OGFR: variants seen among roughly 807,000 people sequenced by gnomAD.
OGFR encodes opioid growth factor receptor, also known as protein 7-60.
Under a neutral mutation model 33.6 loss-of-function variants are expected in OGFR, and 18 were observed. That is an observed-to-expected ratio of 0.54 (90% CI 0.37 to 0.80). OGFR has a LOEUF of 0.80. OGFR is among the 30% of genes least tolerant of loss of function. The probability of loss-of-function intolerance (pLI) is 0.00; values close to 1 mark genes in which losing one functional copy is unlikely to be tolerated. For missense variants in OGFR, 877 were observed against 955.8 expected (o/e 0.92, Z 1.09); for synonymous variants, 370 against 400.7 (o/e 0.92, Z 0.91).
In OGFR at chr20:62,812,752, C is replaced by T. The variant is rs765581280; in HGVS notation, c.1137C>T (p.Pro379=). ...HGEDRPEPLS[P]KESKKRKLEL... The stretch of plus-strand genomic sequence containing the variant: ...AAGATAGGCCGGAGCCCTTAAGCCC[C>T]AAAGAGAGCAAGAAGAGGAAGCTGG... Residue 379 remains proline (P), a synonymous_variant, in exon 7 of 7, where the codon CCC becomes CCT. Coordinates refer to ENST00000290291, the MANE Select transcript of OGFR (RefSeq NM_007346.4). 1.1e-5 allele frequency: 18 copies of T among 1,610,276 alleles called. No individual in the cohort carries two copies. The South Asian group carries it at 1.8e-4, about 16-fold the overall frequency.
chr20:62,813,769 G>C lies in OGFR; in HGVS notation c.*120G>C. On this transcript the variant is annotated 3_prime_UTR_variant, in exon 7 of 7. Coordinates refer to ENST00000290291, the MANE Select transcript of OGFR (RefSeq NM_007346.4). Reference sequence around the variant, plus strand: ...CGTGACCCGTGACCCATGACCCACAGTGCTGGCCTCCTGTGGGGCCACTAT... The same window carrying C: ...CGTGACCCGTGACCCATGACCCACACTGCTGGCCTCCTGTGGGGCCACTAT... 8.2e-7 allele frequency: 1 copy of C among 1,224,946 alleles called. No individual in the cohort carries two copies. Among genetic ancestry groups the C allele is most frequent in the Non-Finnish European group, 1.2e-6 (1 of 854,914 alleles). 75.9% of individuals were successfully genotyped at this position (1,224,946 alleles called of 1,614,324 possible).
At chr20:62,809,346 G>T (rs779765926) in intron 3 of OGFR, among the ~76,000 whole-genome samples, 1 of 152,220 alleles carries the variant, frequency 6.6e-6, no homozygotes, top group East Asian at 1.9e-4. Context: ...GGGGTTTGCC[G>T]CCAGCCAGCA....
Position 62,810,549 on chromosome 20 carries a change from C to A in OGFR, c.449C>A (p.Thr150Lys). Residue 150 changes from threonine to lysine, a missense_variant, in exon 5 of 7, where the codon ACG becomes AAG. By Grantham distance (78) the Thr-to-Lys change is moderately conservative (BLOSUM62 -1). Around this residue, in one of 3 missense-constraint regions of OGFR, gnomAD observed 760 missense variants for 736.0 expected, o/e 1.03. Coordinates refer to ENST00000290291, the MANE Select transcript of OGFR (RefSeq NM_007346.4). ...GTGAACTGGCATGCCAAGCCCCTCA[C>A]GCTCAGGGAGGTCGAGGTGAGCCAG... ...PGVNWHAKPL[T>K]LREVEVFKSS... 2 of 1,612,992 alleles carry A rather than the reference C, an allele frequency of 1.2e-6. No individual in the cohort carries two copies. The highest frequency in any genetic ancestry group is 1.7e-6 in the Non-Finnish European group (2 of 1,179,874).
chr20:62,809,363 G>A (rs1312346204), intron 3 of OGFR, among the ~76,000 whole-genome samples: 1 of 152,252 alleles, frequency 6.6e-6, no homozygotes, highest in Non-Finnish European at 1.5e-5. Flanking sequence ...AGCAACAAGG[G>A]TCCAGGTCAC....
At chr20:62,806,603 C>T (rs1600771695) in intron 1 of OGFR, 1 of 152,196 alleles carries the variant, frequency 6.6e-6, no homozygotes, top group South Asian at 2.1e-4. Context: ...GGCAGAGAGG[C>T]AACGCCAGGT....
rs184945869 is a variant in OGFR, at chr20:62,808,054, G to T, written c.241-193G>T. 1.8e-3 allele frequency: 1,194 copies of T among 651,876 alleles called. 7 individuals are homozygous for T. The African/African-American group carries it at 0.019, about 11-fold the overall frequency. 40.4% of individuals were successfully genotyped at this position (651,876 alleles called of 1,614,324 possible). On this transcript the variant is annotated intron_variant, in intron 2 of 6. Coordinates refer to ENST00000290291, the MANE Select transcript of OGFR (RefSeq NM_007346.4). ...TGGCCTGGCTGGCGAAATGGGGAAGGGGGGTCCCTGGGGCTTGGAGGCAGC... is the reference window on the plus strand; with the variant it reads ...TGGCCTGGCTGGCGAAATGGGGAAGTGGGGTCCCTGGGGCTTGGAGGCAGC...
intron 3 of OGFR, 70 bp downstream of exon 3, chr20:62,808,395 T>C (rs1474886651): frequency 8.8e-7 from 1 of 1,137,768 alleles, no homozygotes; most frequent in Non-Finnish European, 1.3e-6. Context: ...CACTGGGCCC[T>C]GGTTTGGGAT....
In OGFR at chr20:62,809,647, C is replaced by T; in HGVS notation, c.382C>T (p.His128Tyr). The T allele has an allele frequency of 6.2e-7, 1 of 1,602,510 alleles. No homozygotes were observed. The highest frequency in any genetic ancestry group is 8.5e-7 in the Non-Finnish European group (1 of 1,174,824). ...CAACTATGACCTCCTTGAGGACAAT[C>T]ACTCCTACATCCAGTGGTGAGTTGG... Reference protein sequence around the residue: ...TDNYDLLEDNHSYIQWLFPLR... With the variant: ...TDNYDLLEDNYSYIQWLFPLR... Residue 128 changes from histidine to tyrosine, a missense_variant, in exon 4 of 7, where the codon CAC becomes TAC. By Grantham distance (83) the His-to-Tyr change is moderately conservative. This residue lies in a region of OGFR where 760 missense variants were observed against 736.0 expected (regional missense o/e 1.03). Transcript: ENST00000290291.
chr20:62,811,557 G>A lies in OGFR; in HGVS notation c.561G>A (p.Thr187=), dbSNP rs144097750. The change falls in exon 6 of 7, where the codon ACG becomes ACA. Residue 187 remains threonine (T), a synonymous_variant. Coordinates refer to ENST00000290291, the MANE Select transcript of OGFR (RefSeq NM_007346.4). ...FYGIRLEDRG[T]GTVGRAQNYQ... ...GGATCCGGCTGGAGGACCGAGGCAC[G>A]GGCACGGTGGGCCGAGCACAGAACT... The A allele has an allele frequency of 4.1e-5, 66 of 1,605,418 alleles. No homozygotes were observed. The highest frequency in any genetic ancestry group is 1.7e-4 in the Middle Eastern group (1 of 6,052).
In OGFR at chr20:62,813,855, C is replaced by A; in HGVS notation, c.*206C>A. 1.6e-6 allele frequency: 1 copy of A among 618,300 alleles called. No homozygotes were observed. The highest frequency in any genetic ancestry group is 2.8e-6 in the Non-Finnish European group (1 of 354,060). 38.3% of individuals were successfully genotyped at this position (618,300 alleles called of 1,614,324 possible). On this transcript the variant is annotated 3_prime_UTR_variant, in exon 7 of 7. Coordinates refer to ENST00000290291, the MANE Select transcript of OGFR (RefSeq NM_007346.4). ...CCCAAGGCCTGCAGAAGCCTCCTGG[C>A]CTGGCTGTGTCTTCCCCACCCAGCT...
rs758428124 is a variant in OGFR, at chr20:62,812,578, C to T, written c.963C>T (p.His321=). Residue 321 remains histidine (H), a synonymous_variant, in exon 7 of 7, where the codon CAC becomes CAT. Coordinates refer to ENST00000290291, the MANE Select transcript of OGFR (RefSeq NM_007346.4). ...EEEGSPGDPD[H]EASTQGRTCG... is the part of the protein sequence containing the mutation. Reference sequence around the variant, plus strand: ...AAGGAAGCCCCGGGGACCCCGACCACGAGGCCAGCACCCAGGGTCGGACCT... The same window carrying T: ...AAGGAAGCCCCGGGGACCCCGACCATGAGGCCAGCACCCAGGGTCGGACCT... 1.1e-5 allele frequency: 17 copies of T among 1,576,068 alleles called. No homozygotes were observed. In the Admixed American group the frequency reaches 1.5e-4, roughly 14 times the overall value.
chr20:62,809,877 G>A (rs1264018102), intron 4 of OGFR, among the ~76,000 whole-genome samples: 1 of 152,230 alleles, frequency 6.6e-6, no homozygotes, highest in Non-Finnish European at 1.5e-5. Context: ...GTGGGCTCTT[G>A]GTGACCAGGG....
At chr20:62,811,666 AG>A in intron 6 of OGFR, 56 bp downstream of exon 6, 2 of 1,422,908 alleles carry the variant, frequency 1.4e-6, no homozygotes, top group East Asian at 2.7e-5. Context: ...GGGCCACGTC[AG>A]GTTTCGGGCA....
rs368089731 is a variant in OGFR, at chr20:62,810,452, G to A, written c.399-47G>A. 7 of 1,596,800 alleles carry A rather than the reference G, an allele frequency of 4.4e-6. No homozygotes were observed. The East Asian group carries it at 1.1e-4, about 25-fold the overall frequency. On this transcript the variant is annotated intron_variant, in intron 4 of 6. Coordinates refer to ENST00000290291, the MANE Select transcript of OGFR (RefSeq NM_007346.4). ...CACAGCGAGCACCTGCCCAAGGTCTGGAAGCGGCTCTCCTAATCCCTTGCC... is the reference window on the plus strand; with the variant it reads ...CACAGCGAGCACCTGCCCAAGGTCTAGAAGCGGCTCTCCTAATCCCTTGCC...
intron 5 of OGFR, among the ~76,000 whole-genome samples, chr20:62,810,962 G>A (rs553790288): frequency 1.5e-4 from 23 of 152,378 alleles, no homozygotes; most frequent in African/African-American, 4.6e-4. Context: ...CATGGCCAGC[G>A]ACTTCCTCTC....
rs1600778192 is a variant in OGFR, at chr20:62,812,915, C to G, written c.1300C>G (p.Gln434Glu). Reference protein sequence around the residue: ...LRTGTQEVGGQDPGEAVQPCR... With the variant: ...LRTGTQEVGGEDPGEAVQPCR... Reference sequence around the variant, plus strand: ...GACGGGGACCCAGGAAGTGGGCGGTCAGGACCCTGGGGAGGCAGTGCAGCC... The same window carrying G: ...GACGGGGACCCAGGAAGTGGGCGGTGAGGACCCTGGGGAGGCAGTGCAGCC... Residue 434 changes from glutamine to glutamate, a missense_variant, in exon 7 of 7, where the codon CAG becomes GAG. This residue lies in a region of OGFR where 760 missense variants were observed against 736.0 expected (regional missense o/e 1.03). Coordinates refer to ENST00000290291, the MANE Select transcript of OGFR (RefSeq NM_007346.4). 1 of 1,612,392 alleles carries G rather than the reference C, an allele frequency of 6.2e-7. No individual in the cohort carries two copies. The highest frequency in any genetic ancestry group is 1.3e-5 in the African/African-American group (1 of 75,048).
At chr20:62,809,500 TC>T in intron 3 of OGFR, 84 bp from the exon 4 acceptor site, 2 of 1,006,144 alleles carry the variant, frequency 2.0e-6, no homozygotes, top group Non-Finnish European at 3.2e-6. Flanking sequence ...CAGCACTCTC[TC>T]CTTATGTCCC....
chr20:62,811,654 C>G (rs1275576669), intron 6 of OGFR, 44 bp downstream of exon 6: 2 of 1,463,478 alleles, frequency 1.4e-6, no homozygotes, highest in African/African-American at 3.1e-5. Flanking sequence ...CGGCGCAGAA[C>G]AGGGCCACGT....
At position 62,808,332 on chromosome 20, in the gene OGFR, G is replaced by A; in HGVS notation, c.319+7G>A. The A allele has an allele frequency of 3.1e-6, 5 of 1,609,092 alleles. No homozygotes were observed. The highest frequency in any genetic ancestry group is 4.3e-6 in the Non-Finnish European group (5 of 1,176,218). On this transcript the variant is annotated splice_region_variant and intron_variant, in intron 3 of 6. Coordinates refer to ENST00000290291, the MANE Select transcript of OGFR (RefSeq NM_007346.4). ...ATCCGCTTCCTGCCCAACGGTAGGT[G>A]CCTCACAACCACTGGCAGCCGGCGC...
Sources: gnomAD v4.1 joint callset for allele counts (sites outside exome capture counted in the v4.1 genomes callset) on GRCh38, gnomAD v4.1.1 for gene constraint, gnomAD v4.1.1 regional missense constraint, MANE v1.5 for transcripts, NCBI Gene and HGNC (gene_info 2026-07-23, HGNC 2026-07-21) for gene names.